Variants in GRIP2 observed in about 807,000 individuals in gnomAD.
GRIP2 encodes glutamate receptor-interacting protein 2.
GRIP2 carries 58 observed loss-of-function variants against 108.3 expected under a neutral mutation model. The ratio of observed to expected loss-of-function variants is 0.54; its 90% CI spans 0.43 to 0.67. The LOEUF (loss-of-function observed/expected upper bound fraction) is 0.67. GRIP2 is among the 30% of genes least tolerant of loss of function. The probability of loss-of-function intolerance (pLI) is 0.00; values close to 1 mark genes in which losing one functional copy is unlikely to be tolerated. For missense variants in GRIP2, 1,278 were observed against 1,430.6 expected (o/e 0.89, Z 1.72); for synonymous variants, 586 against 598.2 (o/e 0.98, Z 0.30).
chr3:14,503,652 G>T lies in GRIP2; in HGVS notation c.2593C>A (p.Arg865=). The T allele has an allele frequency of 6.2e-7, 1 of 1,609,522 alleles. No homozygotes were observed. The highest frequency in any genetic ancestry group is 8.5e-7 in the Non-Finnish European group (1 of 1,178,326). Residue 865 remains arginine, a synonymous_variant, in exon 21 of 24, where the codon CGA becomes AGA. Coordinates refer to ENST00000621039, the MANE Select transcript of GRIP2 (RefSeq NM_001080423.4). ...AACATGCGCCAGAAGCCCTCCTCTC[G>T]GGCAGGGCCAGGGGCTGGGCTGTAA... ...PPTSPAPGPA[R]EEGFWRMFGE... is the part of the protein sequence containing the mutation.
At chr3:14,594,650 A>T in the GRIP2 span, among the ~76,000 whole-genome samples, 1 of 152,202 alleles carries the variant, frequency 6.6e-6, no homozygotes, top group Non-Finnish European at 1.5e-5. Flanking sequence ...CAGGAGCCAC[A>T]TGGAAACCTT....
In GRIP2 at chr3:14,520,397, C is replaced by A. The variant is rs777339817; in HGVS notation, c.853G>T (p.Val285Leu). 2 of 1,611,842 alleles carry A rather than the reference C, an allele frequency of 1.2e-6. No homozygotes were observed. Among genetic ancestry groups the A allele is most frequent in the Admixed American group, 3.4e-5 (2 of 59,668 alleles). The change falls in exon 8 of 24, where the codon GTG becomes TTG. Residue 285 changes from valine to leucine, a missense_variant. Coordinates refer to ENST00000621039, the MANE Select transcript of GRIP2 (RefSeq NM_001080423.4). ...ACCCAGGGTGTGCCTTACCTGTCCA[C>A]CACGCTGGCTGGCTTGATGCGGTCG... ...TIDRIKPASVVDRSGALHPGD... is the reference protein window; with the variant it reads ...TIDRIKPASVLDRSGALHPGD...
rs1701320779 is a variant in GRIP2 at position 14,490,871 on chromosome 3, T to G, written c.*2794A>C. 6.6e-6 allele frequency: 1 copy of G among 152,240 alleles called. No individual in the cohort carries two copies. Among genetic ancestry groups the G allele is most frequent in the Admixed American group, 6.5e-5 (1 of 15,278 alleles). The allele number at this position is 152,240 out of a possible 1,614,324, so 9.4% of individuals were successfully genotyped here. A position where few individuals can be genotyped will look rare whatever the true frequency, so the allele number is the denominator to read the frequency against. On this transcript the variant is annotated 3_prime_UTR_variant, in exon 24 of 24. Transcript: ENST00000621039. ...AGAAACCCCTCCTAATATTGTGAGC[T>G]AAAGCCCCTCACCCTGGTCCCTCTA...
the GRIP2 span, among the ~76,000 whole-genome samples, chr3:14,600,964 G>A: frequency 2.0e-5 from 3 of 152,028 alleles, no homozygotes; most frequent in African/African-American, 7.2e-5. Flanking sequence ...AGACTCTCAT[G>A]CCTCATACAT....
intron 11 of GRIP2, among the ~76,000 whole-genome samples, chr3:14,516,113 C>T (rs1196821300): frequency 6.6e-6 from 1 of 152,154 alleles, no homozygotes; most frequent in East Asian, 1.9e-4. Context: ...TCTCCACATC[C>T]CCCACCTACG....
chr3:14,513,365 G>A (rs1694154099), intron 13 of GRIP2, among the ~76,000 whole-genome samples: 2 of 152,184 alleles, frequency 1.3e-5, no homozygotes, highest in South Asian at 4.1e-4. Context: ...GCAGAATTCT[G>A]ACCCAAACTG....
upstream of GRIP2, among the ~76,000 whole-genome samples, chr3:14,558,461 T>C (rs1395599139): frequency 6.6e-6 from 1 of 152,128 alleles, no homozygotes; most frequent in Non-Finnish European, 1.5e-5. Flanking sequence ...TCAGTGCCTT[T>C]GGTAGGAAGA....
At chr3:14,573,893 C>A in the GRIP2 span, 11 of 1,208,932 alleles carry the variant, frequency 9.1e-6, no homozygotes, top group South Asian at 1.4e-4. Flanking sequence ...GCAGGCAGCC[C>A]GACCTGTCGT....
chr3:14,575,978 T>G, the GRIP2 span, among the ~76,000 whole-genome samples: 3 of 152,240 alleles, frequency 2.0e-5, no homozygotes, highest in Admixed American at 2.0e-4. Context: ...GATGATTTAT[T>G]AATCACCTGC....
the GRIP2 span, among the ~76,000 whole-genome samples, chr3:14,597,731 TA>T: frequency 6.6e-6 from 1 of 151,988 alleles, no homozygotes; most frequent in Non-Finnish European, 1.5e-5. Context: ...GAGATGATTT[TA>T]AAGGAGAGGG....
At chr3:14,574,547 G>T in the GRIP2 span, 16 of 743,332 alleles carry the variant, frequency 2.2e-5, no homozygotes, top group Non-Finnish European at 4.0e-5. Context: ...CCCAGTCCTT[G>T]AGTGCTGCCT....
At chr3:14,541,882 C>T (rs757946904), upstream of GRIP2, 2 of 1,332,838 alleles carry the variant, frequency 1.5e-6, no homozygotes, top group South Asian at 1.2e-5. Flanking sequence ...CTCAATTTGG[C>T]CACCGGTACC....
chr3:14,580,159 C>T, the GRIP2 span, among the ~76,000 whole-genome samples: 2 of 152,146 alleles, frequency 1.3e-5, no homozygotes, highest in East Asian at 1.9e-4. Flanking sequence ...CCCCAGCACC[C>T]AGAGCAGGTG....
chr3:14,550,568 C>T (rs1695130592), intron 1 of GRIP2, among the ~76,000 whole-genome samples: 1 of 152,240 alleles, frequency 6.6e-6, no homozygotes. Flanking sequence ...GATCTACCTC[C>T]ACCTCTGACT....
chr3:14,523,461 C>T (rs1008252576), intron 5 of GRIP2, 151 bp downstream of exon 5: 5 of 623,312 alleles, frequency 8.0e-6, no homozygotes, highest in Non-Finnish European at 8.6e-6. Flanking sequence ...GGCAGATTTT[C>T]CCACTGAATA....
At chr3:14,599,681 C>CTGTGTGTGTGTGTGTGTGTG in the GRIP2 span, among the ~76,000 whole-genome samples, 12 of 130,476 alleles carry the variant, frequency 9.2e-5, no homozygotes, top group African/African-American at 3.6e-4. Flanking sequence ...CTCTCTCTCT[C>CTGTGTGTGTGTGTGTGTGTG]TCTCTGTGTG....
chr3:14,510,550 C>T (rs1694058423), intron 16 of GRIP2, among the ~76,000 whole-genome samples: 1 of 151,994 alleles, frequency 6.6e-6, no homozygotes, highest in Non-Finnish European at 1.5e-5. Context: ...CAGGTATGAG[C>T]CATTGCACCT....
upstream of GRIP2, among the ~76,000 whole-genome samples, chr3:14,559,957 T>C (rs901115804): frequency 2.6e-5 from 4 of 152,202 alleles, no homozygotes; most frequent in African/African-American, 9.7e-5. Context: ...TGATGATTTA[T>C]GCTAGGCATC....
At chr3:14,516,187 G>A (rs942233963) in intron 11 of GRIP2, among the ~76,000 whole-genome samples, 1 of 152,146 alleles carries the variant, frequency 6.6e-6, no homozygotes, top group East Asian at 1.9e-4. Context: ...AAGGTGGTTA[G>A]TAGAGATATA....
Sources: allele counts gnomAD v4.1 joint callset (sites outside exome capture counted in the v4.1 genomes callset), GRCh38; gene constraint gnomAD v4.1.1; transcripts MANE v1.5; gene names NCBI Gene and HGNC (gene_info 2026-07-23, HGNC 2026-07-21).